PRKCZ: variants seen among roughly 807,000 people sequenced by gnomAD.
The protein encoded by PRKCZ is protein kinase C zeta, also known as protein kinase C zeta type.
A neutral mutation model predicts 79.5 loss-of-function variants in PRKCZ; 33 were observed. That is an observed-to-expected ratio of 0.41 (90% CI 0.31 to 0.55). The LOEUF is 0.55. Ranked by LOEUF, PRKCZ falls within the 20% of genes least tolerant of loss-of-function variation. PRKCZ has a pLI of 0.19. For missense variants in PRKCZ, 578 were observed against 813.5 expected (o/e 0.71, Z 3.52); for synonymous variants, 342 against 320.9 (o/e 1.07, Z -0.70).
intron 4 of PRKCZ, among the ~76,000 whole-genome samples, chr1:2,113,711 T>C (rs1262544196): frequency 6.6e-6 from 1 of 151,964 alleles, no homozygotes; most frequent in African/African-American, 2.4e-5. Context: ...CTAGCTGCCG[T>C]GGAGAATGCT....
intron 4 of PRKCZ, chr1:2,133,823 A>G (rs1002309388): frequency 3.3e-5 from 5 of 152,370 alleles, no homozygotes; most frequent in Admixed American, 6.5e-5. Context: ...AGTCAGGCCT[A>G]CGGACTCCTG....
At chr1:2,108,195 G>A (rs1321801374) in intron 4 of PRKCZ, among the ~76,000 whole-genome samples, 2 of 152,192 alleles carry the variant, frequency 1.3e-5, no homozygotes, top group African/African-American at 4.8e-5. Flanking sequence ...GTGGGGCCAT[G>A]ATCCTTCTGG....
At position 2,172,848 on chromosome 1, in the gene PRKCZ, G is replaced by A. The variant is rs991084416; in HGVS notation, c.1285+460G>A. On this transcript the variant is annotated intron_variant, in intron 13 of 17. Transcript: ENST00000378567. This position sits in a 1 kb window ranked among gnomAD's most constrained non-coding sequence, Gnocchi z 7.8. ...TCTCCCCTCTCTGGGCGTGAAACGG[G>A]GACATGGGCACGCGTGTGCAGCCGT... Among the ~76,000 whole-genome samples the A allele has an allele frequency of 6.6e-6, 1 of 152,234 alleles. No homozygotes were observed. Among genetic ancestry groups the A allele is most frequent in the African/African-American group, 2.4e-5 (1 of 41,472 alleles).
intron 4 of PRKCZ, among the ~76,000 whole-genome samples, chr1:2,068,347 C>T (rs1025222202): frequency 2.0e-5 from 3 of 152,226 alleles, no homozygotes; most frequent in Admixed American, 1.3e-4. Flanking sequence ...AAGGTGTGGC[C>T]AGGGCTGGCT....
At chr1:2,072,893 A>C (rs1661731285) in intron 4 of PRKCZ, among the ~76,000 whole-genome samples, 2 of 152,016 alleles carry the variant, frequency 1.3e-5, no homozygotes, top group Admixed American at 1.3e-4. Context: ...TAGGCTCAGC[A>C]CGAGTGCCGA....
rs1029891662 is a variant in PRKCZ, at chr1:2,177,226, C to T, written c.1575+1913C>T. Among the ~76,000 whole-genome samples, 3 of 152,084 alleles carry T rather than the reference C, an allele frequency of 2.0e-5. No homozygotes were observed. The highest frequency in any genetic ancestry group is 4.4e-5 in the Non-Finnish European group (3 of 68,016). Reference sequence around the variant, plus strand: ...CTCTGGCCCACAGAACCCCTCCGGTCCACACACACACTCAGGTCCAGGTAC... The same window carrying T: ...CTCTGGCCCACAGAACCCCTCCGGTTCACACACACACTCAGGTCCAGGTAC... On this transcript the variant is annotated intron_variant, in intron 16 of 17. Coordinates refer to ENST00000378567, the MANE Select transcript of PRKCZ (RefSeq NM_002744.6). This position sits in a 1 kb window ranked among gnomAD's most constrained non-coding sequence, Gnocchi z 6.4.
At chr1:2,134,659 G>T (rs1466335906) in intron 4 of PRKCZ, among the ~76,000 whole-genome samples, 1 of 152,166 alleles carries the variant, frequency 6.6e-6, no homozygotes, top group Non-Finnish European at 1.5e-5. Flanking sequence ...TGGCTCTCCT[G>T]CCCTGAGATT....
rs540931184 is a variant in PRKCZ at position 2,089,135 on chromosome 1, A to G, written c.334+29544A>G. ...TTAAAATGGTGGAGCTTACTGCAGT[A>G]GAGTGTTTTCCTTAGCCGGGGTCAG... On this transcript the variant is annotated intron_variant, in intron 4 of 17. Coordinates refer to ENST00000378567, the MANE Select transcript of PRKCZ (RefSeq NM_002744.6). Among the ~76,000 whole-genome samples, 93 of 152,316 alleles carry G rather than the reference A, an allele frequency of 6.1e-4. 1 individual carries two copies. Among genetic ancestry groups the G allele is most frequent in the Non-Finnish European group, 1.2e-3 (81 of 68,028 alleles).
intron 4 of PRKCZ, among the ~76,000 whole-genome samples, chr1:2,097,320 G>T (rs1207410552): frequency 1.3e-5 from 2 of 152,120 alleles, no homozygotes; most frequent in Admixed American, 1.3e-4. Context: ...AGAGTTCAGG[G>T]GCCCAGGTAC....
intron 4 of PRKCZ, among the ~76,000 whole-genome samples, chr1:2,132,058 G>A (rs547507799): frequency 3.9e-5 from 6 of 152,306 alleles, no homozygotes; most frequent in South Asian, 2.1e-4. Context: ...TGATCTGCCC[G>A]CCTCGGCCTC....
intron 1 of PRKCZ, 106 bp downstream of exon 1, chr1:2,050,807 A>T: frequency 1.3e-6 from 1 of 757,900 alleles, no homozygotes; most frequent in Non-Finnish European, 1.8e-6. Flanking sequence ...AGGGGCGGCG[A>T]GGTCGCTGCG....
chr1:2,154,293 C>CTGCA (rs1209227104), intron 9 of PRKCZ, among the ~76,000 whole-genome samples: 1 of 152,098 alleles, frequency 6.6e-6, no homozygotes, highest in Non-Finnish European at 1.5e-5. Context: ...GGGGGCAGGT[C>CTGCA]TGCAGCTCAG....
intron 4 of PRKCZ, among the ~76,000 whole-genome samples, chr1:2,076,311 A>G (rs1000631770): frequency 2.6e-5 from 4 of 152,092 alleles, no homozygotes; most frequent in African/African-American, 9.7e-5. Context: ...GGGAAGTGGA[A>G]CGTGCGGCCA....
intron 4 of PRKCZ, among the ~76,000 whole-genome samples, chr1:2,118,580 G>A (rs1207206900): frequency 1.3e-5 from 2 of 151,928 alleles, no homozygotes; most frequent in African/African-American, 2.4e-5. Flanking sequence ...CTCCTGATCC[G>A]CCTGCTTCGG....
chr1:2,146,745 A>G (rs1322962170), intron 7 of PRKCZ, among the ~76,000 whole-genome samples: 1 of 152,230 alleles, frequency 6.6e-6, no homozygotes, highest in Non-Finnish European at 1.5e-5. Context: ...ACCACAGAAC[A>G]TAAAGCACTT....
intron 4 of PRKCZ, chr1:2,133,695 C>T (rs1675533239): frequency 6.5e-6 from 1 of 152,976 alleles, no homozygotes; most frequent in African/African-American, 2.4e-5. Context: ...GGCCCCTCAG[C>T]TGTGCGCCAC....
chr1:2,154,847 G>C (rs748383422), intron 9 of PRKCZ, among the ~76,000 whole-genome samples: 1 of 152,228 alleles, frequency 6.6e-6, no homozygotes, highest in African/African-American at 2.4e-5. Flanking sequence ...CTGAACTGCA[G>C]CATGAATTGG....
intron 10 of PRKCZ, among the ~76,000 whole-genome samples, chr1:2,157,029 C>T (rs1681193007): frequency 6.6e-6 from 1 of 152,198 alleles, no homozygotes; most frequent in South Asian, 2.1e-4. Flanking sequence ...CCCAGGAGAG[C>T]CAGTGGCACA....
At chr1:2,067,207 A>G (rs1571140070) in intron 4 of PRKCZ, among the ~76,000 whole-genome samples, 2 of 152,026 alleles carry the variant, frequency 1.3e-5, no homozygotes, top group South Asian at 4.2e-4. Context: ...GTTCTGGAAA[A>G]CGTCCCGTGT....
Sources: gnomAD v4.1 joint callset for allele counts (sites outside exome capture counted in the v4.1 genomes callset) on GRCh38, gnomAD v4.1.1 for gene constraint, Gnocchi (gnomAD v3.1) non-coding constraint, MANE v1.5 for transcripts, NCBI Gene and HGNC (gene_info 2026-07-23, HGNC 2026-07-21) for gene names.